The following DBR1 variants were observed in gnomAD, a reference collection of about 807,000 sequenced individuals.
The protein encoded by DBR1 is lariat debranching enzyme.
A neutral mutation model predicts 45.9 loss-of-function variants in DBR1; 33 were observed. That is an observed-to-expected ratio of 0.72 (90% CI 0.55 to 0.96). The LOEUF is 0.96. Among genes scored for constraint, DBR1 ranks in the 40% least tolerant of loss-of-function variants. The pLI is 0.00. For synonymous variants in DBR1, 235 were observed against 235.9 expected (o/e 1.00, Z 0.04); for missense variants, 619 against 667.4 (o/e 0.93, Z 0.80).
intron 7 of DBR1, 101 bp downstream of exon 7, chr3:138,163,248 C>T (rs2042915744): frequency 8.1e-7 from 1 of 1,240,830 alleles, no homozygotes. Flanking sequence ...GTTTGGATAA[C>T]AGAGCTAGAC....
intron 2 of DBR1, among the ~76,000 whole-genome samples, chr3:138,173,298 G>A (rs900452738): frequency 1.1e-4 from 17 of 152,100 alleles, no homozygotes; most frequent in African/African-American, 3.9e-4. Context: ...ATATTAGCTA[G>A]TGCTTAAAAC....
intron 1 of DBR1, 106 bp from the exon 2 acceptor site, chr3:138,173,732 C>T (rs1028731899): frequency 3.7e-6 from 5 of 1,351,370 alleles, no homozygotes; most frequent in Non-Finnish European, 5.0e-6. Context: ...AGTTAAAAAG[C>T]TCTTTCAAAA....
At chr3:138,167,041 A>AGT (rs753248117) in intron 5 of DBR1, 40 bp downstream of exon 5, 17 of 1,550,492 alleles carry the variant, frequency 1.1e-5, no homozygotes, top group Non-Finnish European at 1.5e-5. Flanking sequence ...GATGTTCAAT[A>AGT]GTGTGTGTTA....
At position 138,161,010 on chromosome 3, in the gene DBR1, T is replaced by C. The variant is rs1449905249; in HGVS notation, c.*879A>G. ...CAAATTAAGATTGTACGTTTACCAA[T>C]GTTTAGTATTCAGAGTAGTTTATTT... On this transcript the variant is annotated 3_prime_UTR_variant, in exon 8 of 8. Coordinates refer to ENST00000260803, the MANE Select transcript of DBR1 (RefSeq NM_016216.4). 2 of 152,120 alleles carry C rather than the reference T, an allele frequency of 1.3e-5. No individual in the cohort carries two copies. Among genetic ancestry groups the C allele is most frequent in the African/African-American group, 2.4e-5 (1 of 41,418 alleles). The allele number at this position is 152,120 out of a possible 1,614,324, so 9.4% of individuals were successfully genotyped here. A position where few individuals can be genotyped will look rare whatever the true frequency, so the allele number is the denominator to read the frequency against.
At chr3:138,173,423 GAC>G in intron 2 of DBR1, 77 bp downstream of exon 2, 1 of 1,459,316 alleles carries the variant, frequency 6.9e-7, no homozygotes, top group Non-Finnish European at 9.5e-7. Flanking sequence ...TACATGTCAA[GAC>G]ACAGTCCAAC....
intron 5 of DBR1, among the ~76,000 whole-genome samples, chr3:138,166,050 A>T (rs1279924598): frequency 6.6e-6 from 1 of 152,224 alleles, no homozygotes. Context: ...TCTAACACAG[A>T]AGTGTTTGGT....
intron 4 of DBR1, among the ~76,000 whole-genome samples, chr3:138,169,243 T>C (rs1281004977): frequency 6.6e-6 from 1 of 152,166 alleles, no homozygotes; most frequent in African/African-American, 2.4e-5. Flanking sequence ...CTTAAAGGGA[T>C]GAAGTTAAGA....
Position 138,162,397 on chromosome 3 carries a change from A to G in DBR1, c.1127T>C (p.Ile376Thr). The G allele has an allele frequency of 1.2e-6, 2 of 1,614,152 alleles. No homozygotes were observed. Among genetic ancestry groups the G allele is most frequent in the African/African-American group, 2.7e-5 (2 of 75,042 alleles). ...CTGAAGCCTAACATTGATGTCTATG[A>G]TGCCAAGTTGGGCACAAAATTCAGT... ...QTTEFCAQLG[I>T]IDINVRLQKS... The change falls in exon 8 of 8, where the codon ATC becomes ACC. Residue 376 changes from isoleucine (I) to threonine (T), a missense_variant. Coordinates refer to ENST00000260803, the MANE Select transcript of DBR1 (RefSeq NM_016216.4).
intron 4 of DBR1, among the ~76,000 whole-genome samples, chr3:138,168,098 CTG>C (rs2042938699): frequency 6.6e-6 from 1 of 152,068 alleles, no homozygotes; most frequent in African/African-American, 2.4e-5. Flanking sequence ...CACTAAAAAA[CTG>C]TGTTTACTAC....
intron 4 of DBR1, among the ~76,000 whole-genome samples, chr3:138,169,106 T>C (rs1457208427): frequency 6.6e-6 from 1 of 152,204 alleles, no homozygotes; most frequent in African/African-American, 2.4e-5. Context: ...CTTGCAAGAA[T>C]TGTTAGACTC....
intron 3 of DBR1, among the ~76,000 whole-genome samples, chr3:138,170,958 C>G (rs1024498293): frequency 1.3e-5 from 2 of 152,106 alleles, no homozygotes; most frequent in African/African-American, 4.8e-5. Flanking sequence ...CAATACGATA[C>G]ATTTATATGA....
At position 138,161,410 on chromosome 3, in the gene DBR1, T is replaced by C. The variant is rs2042906447; in HGVS notation, c.*479A>G. 1.3e-5 allele frequency: 2 copies of C among 154,900 alleles called. No individual in the cohort carries two copies. Among genetic ancestry groups the C allele is most frequent in the Non-Finnish European group, 1.4e-5 (1 of 69,654 alleles). 9.6% of individuals were successfully genotyped at this position (154,900 alleles called of 1,614,324 possible). A position where few individuals can be genotyped will look rare whatever the true frequency, so the allele number is the denominator to read the frequency against. ...CTTTAATATGTTTGCATCTGAAACA[T>C]ACAAAAGCCTAAAGATAAAGTCAAT... On this transcript the variant is annotated 3_prime_UTR_variant, in exon 8 of 8. Coordinates refer to ENST00000260803, the MANE Select transcript of DBR1 (RefSeq NM_016216.4).
chr3:138,174,186 T>C (rs1413415340), intron 1 of DBR1, among the ~76,000 whole-genome samples: 1 of 152,098 alleles, frequency 6.6e-6, no homozygotes, highest in Non-Finnish European at 1.5e-5. Context: ...AACAAGCACA[T>C]AGCAGGGGCC....
intron 4 of DBR1, among the ~76,000 whole-genome samples, chr3:138,168,078 A>G (rs1344823853): frequency 6.6e-6 from 1 of 152,238 alleles, no homozygotes; most frequent in African/African-American, 2.4e-5. Context: ...TAATAGGCTC[A>G]CATAGTATAC....
intron 4 of DBR1, among the ~76,000 whole-genome samples, chr3:138,168,013 C>T (rs1487711320): frequency 6.6e-6 from 1 of 151,884 alleles, no homozygotes; most frequent in Non-Finnish European, 1.5e-5. Context: ...TTTCACGAGA[C>T]CTCTAACATG....
intron 5 of DBR1, among the ~76,000 whole-genome samples, chr3:138,165,195 G>A (rs1261785480): frequency 6.6e-6 from 1 of 152,162 alleles, no homozygotes; most frequent in East Asian, 1.9e-4. Flanking sequence ...GGTATCTCCT[G>A]CTGAGGACCA....
intron 5 of DBR1, among the ~76,000 whole-genome samples, chr3:138,165,223 G>C (rs1331715014): frequency 6.6e-6 from 1 of 152,086 alleles, no homozygotes. Context: ...GTTCAGTTCT[G>C]GTGAGGTACA....
At position 138,167,097 on chromosome 3, in the gene DBR1, G is replaced by A; in HGVS notation, c.698C>T (p.Ala233Val). The change falls in exon 5 of 8, where the codon GCC becomes GTC. Residue 233 changes from alanine (A) to valine (V), a missense_variant. This residue lies in a region of DBR1 where 430 missense variants were observed against 447.7 expected (regional missense o/e 0.96). Coordinates refer to ENST00000260803, the MANE Select transcript of DBR1 (RefSeq NM_016216.4). ...GTTTTCTACCTGATGCTGCATCAAG[G>A]CGGCAAACTTCACATGAAGGTGGGC... The part of the protein sequence containing the change: ...FSAHLHVKFA[A>V]LMQHQAKDKG... 6.2e-7 allele frequency: 1 copy of A among 1,614,084 alleles called. No individual in the cohort carries two copies.
At position 138,161,721 on chromosome 3, in the gene DBR1, C is replaced by CTGTA; in HGVS notation, c.*164_*167dup. On this transcript the variant is annotated 3_prime_UTR_variant, in exon 8 of 8. Transcript: ENST00000260803. Reference sequence around the variant, plus strand: ...ATTAGCCGGGTGTGGTGGCGGGCACCTGTAGTCCCACCTACTTGGGAGGCT... The same window carrying CTGTA: ...ATTAGCCGGGTGTGGTGGCGGGCACCTGTATGTAGTCCCACCTACTTGGGAGGCT... The CTGTA allele has an allele frequency of 3.4e-6, 2 of 593,490 alleles. No individual in the cohort carries two copies. The highest frequency in any genetic ancestry group is 4.1e-5 in the South Asian group (2 of 49,244). 36.8% of individuals were successfully genotyped at this position (593,490 alleles called of 1,614,324 possible).
Sources: allele counts gnomAD v4.1 joint callset (sites outside exome capture counted in the v4.1 genomes callset), GRCh38; gene constraint gnomAD v4.1.1; regional missense constraint gnomAD v4.1.1; transcripts MANE v1.5; gene names NCBI Gene and HGNC (gene_info 2026-07-23, HGNC 2026-07-21).